Variants in PRLR observed in about 807,000 individuals in gnomAD.
PRLR encodes hPRL receptor.
Under a neutral mutation model 40.2 loss-of-function variants are expected in PRLR, and 13 were observed. That is an observed-to-expected ratio of 0.32 (90% CI 0.21 to 0.51). The LOEUF is 0.51. Ranked by LOEUF, PRLR falls within the 20% of genes least tolerant of loss-of-function variation. PRLR has a pLI of 0.97. For synonymous variants in PRLR, 269 were observed against 278.7 expected (o/e 0.97, Z 0.35); for missense variants, 656 against 747.3 (o/e 0.88, Z 1.42).
intron 2 of PRLR, among the ~76,000 whole-genome samples, chr5:35,115,242 G>A (rs6860397): frequency 0.041 from 6,183 of 152,226 alleles, 185 homozygotes; most frequent in Middle Eastern, 0.068. Flanking sequence ...TATCCCAATC[G>A]TTTCAGTCTC....
intron 5 of PRLR, chr5:35,081,358 G>A: frequency 4.7e-6 from 1 of 212,580 alleles, no homozygotes; most frequent in South Asian, 8.3e-5. Flanking sequence ...TGAGGGCAAG[G>A]TCATCTCTGA....
intron 1 of PRLR, among the ~76,000 whole-genome samples, chr5:35,149,654 A>G (rs1774284722): frequency 6.6e-6 from 1 of 152,182 alleles, no homozygotes; most frequent in South Asian, 2.1e-4. Context: ...CACATCTTAA[A>G]GATACTACAA....
rs575804976 is a variant in PRLR, at chr5:35,078,104, G to A, written c.374-5360C>T. On this transcript the variant is annotated intron_variant, in intron 5 of 9. Coordinates refer to ENST00000618457, the MANE Select transcript of PRLR (RefSeq NM_000949.7). ...CTAAATGCCCACAAGAGAAAGCAGGGAAGATCTAAAATCGACACCCTAACA... is the reference window on the plus strand; with the variant it reads ...CTAAATGCCCACAAGAGAAAGCAGGAAAGATCTAAAATCGACACCCTAACA... 2.2e-4 allele frequency among the ~76,000 whole-genome samples: 34 copies of A among 152,152 alleles called. No homozygotes were observed. The South Asian group carries it at 3.5e-3, about 16-fold the overall frequency.
chr5:35,068,221 A>G lies in PRLR; in HGVS notation c.850T>C (p.Leu284=), dbSNP rs1323509852. ...PKIKGFDAHL[L]EKGKSEELLS... ...TTTTTGCCTCCTGTACTTACCTCCA[A>G]CAGATGAGCATCAAATCCTTTTATT... Residue 284 remains leucine (L), a synonymous_variant, in exon 9 of 10, where the codon TTG becomes CTG. Coordinates refer to ENST00000618457, the MANE Select transcript of PRLR (RefSeq NM_000949.7). 6.2e-7 allele frequency: 1 copy of G among 1,611,572 alleles called. No individual in the cohort carries two copies. The highest frequency in any genetic ancestry group is 2.2e-5 in the East Asian group (1 of 44,864).
At chr5:35,137,010 TAGA>T (rs1773879657) in intron 1 of PRLR, among the ~76,000 whole-genome samples, 1 of 150,622 alleles carries the variant, frequency 6.6e-6, no homozygotes, top group Non-Finnish European at 1.5e-5. Context: ...GGCAGATGAG[TAGA>T]AGGAGACAGA....
chr5:35,229,636 C>G (rs56084970), intron 1 of PRLR, among the ~76,000 whole-genome samples: 7 of 152,230 alleles, frequency 4.6e-5, no homozygotes, highest in Non-Finnish European at 7.4e-5. Flanking sequence ...CTAGGTGCCT[C>G]CGTCCAGCTC....
At chr5:35,201,447 G>A (rs910992571) in intron 1 of PRLR, among the ~76,000 whole-genome samples, 1 of 152,212 alleles carries the variant, frequency 6.6e-6, no homozygotes, top group Non-Finnish European at 1.5e-5. Context: ...CTGTTTGGAT[G>A]TTATGAATAT....
At chr5:35,072,379 C>T (rs775026234) in intron 6 of PRLR, among the ~76,000 whole-genome samples, 196 bp downstream of exon 6, 14 of 151,994 alleles carry the variant, frequency 9.2e-5, no homozygotes, top group Non-Finnish European at 1.6e-4. Flanking sequence ...GAAACTAGCC[C>T]GAGGAGAGCT....
chr5:35,153,449 C>T (rs951636662), intron 1 of PRLR, among the ~76,000 whole-genome samples: 3 of 152,182 alleles, frequency 2.0e-5, no homozygotes, highest in Non-Finnish European at 4.4e-5. Flanking sequence ...TTTAGACCCT[C>T]ATCCTCAAGG....
At chr5:35,184,806 C>T (rs1649502156) in intron 1 of PRLR, among the ~76,000 whole-genome samples, 2 of 152,206 alleles carry the variant, frequency 1.3e-5, no homozygotes, top group Admixed American at 1.3e-4. Context: ...TTTCAAATAA[C>T]ACAAGTATCC....
In PRLR at chr5:35,078,416, C is replaced by G. The variant is rs182902648; in HGVS notation, c.374-5672G>C. The stretch of plus-strand genomic sequence containing the variant: ...AAATAGAAACTACCATCAGAGAATA[C>G]TATAAACACCTCTATGCAAATAAAC... On this transcript the variant is annotated intron_variant, in intron 5 of 9. Coordinates refer to ENST00000618457, the MANE Select transcript of PRLR (RefSeq NM_000949.7). Among the ~76,000 whole-genome samples the G allele has an allele frequency of 1.6e-3, 248 of 152,218 alleles. 3 individuals are homozygous for G. The highest frequency in any genetic ancestry group is 5.8e-3 in the African/African-American group (239 of 41,542).
At chr5:35,096,625 CTT>C (rs563600576) in intron 2 of PRLR, among the ~76,000 whole-genome samples, 5 of 144,918 alleles carry the variant, frequency 3.5e-5, no homozygotes, top group Admixed American at 6.9e-5. Flanking sequence ...TCTTTACTTT[CTT>C]TTTTTTTTTT....
chr5:35,108,378 A>G (rs1772418163), intron 2 of PRLR, among the ~76,000 whole-genome samples: 1 of 152,190 alleles, frequency 6.6e-6, no homozygotes, highest in African/African-American at 2.4e-5. Context: ...GGCCAGGGCA[A>G]TCAGGCAGGA....
chr5:35,158,705 C>G (rs895254384), intron 1 of PRLR, among the ~76,000 whole-genome samples: 2 of 152,178 alleles, frequency 1.3e-5, no homozygotes, highest in East Asian at 3.9e-4. Context: ...AGGACGGTGG[C>G]TTCTTTTTAT....
intron 1 of PRLR, among the ~76,000 whole-genome samples, chr5:35,121,612 A>C (rs1026482344): frequency 2.6e-5 from 4 of 151,978 alleles, no homozygotes; most frequent in African/African-American, 9.7e-5. Context: ...ATAATACACA[A>C]CATTTACTAA....
intron 1 of PRLR, among the ~76,000 whole-genome samples, chr5:35,125,652 A>G (rs1183340087): frequency 6.6e-6 from 1 of 152,204 alleles, no homozygotes; most frequent in Non-Finnish European, 1.5e-5. Context: ...AAAAGAACAC[A>G]CTCTTTTAAT....
chr5:35,113,120 GCCCACCCATTTATCCA>G (rs1277319022), intron 2 of PRLR, among the ~76,000 whole-genome samples: 2 of 61,090 alleles, frequency 3.3e-5, no homozygotes, highest in African/African-American at 6.6e-5. Context: ...CCATCAACCC[GCCCACCCATTTATCCA>G]CCCACCCATT....
chr5:35,110,598 A>G (rs1772598112), intron 2 of PRLR, among the ~76,000 whole-genome samples: 2 of 152,178 alleles, frequency 1.3e-5, no homozygotes, highest in South Asian at 4.1e-4. Context: ...TGCAATCAGC[A>G]TCAGCTTGCA....
Position 35,084,512 on chromosome 5 carries a change from T to C in PRLR, c.331A>G (p.Ser111Gly), listed in dbSNP as rs1160069181. 1 of 1,583,486 alleles carries C rather than the reference T, an allele frequency of 6.3e-7. No individual in the cohort carries two copies. Among genetic ancestry groups the C allele is most frequent in the African/African-American group, 1.4e-5 (1 of 73,074 alleles). Residue 111 changes from serine to glycine, a missense_variant, in exon 5 of 10, where the codon AGC becomes GGC. By Grantham distance (56) the Ser-to-Gly change is moderately conservative. Coordinates refer to ENST00000618457, the MANE Select transcript of PRLR (RefSeq NM_000949.7). ...MMVNATNQMGSSFSDELYVDV... is the reference protein window; with the variant it reads ...MMVNATNQMGGSFSDELYVDV... ...ACATAAAGTTCATCCGAGAAACTGC[T>C]TCCCATCTGGTTAGTGGCATTGACC...
Sources: gnomAD v4.1 joint callset for allele counts (sites outside exome capture counted in the v4.1 genomes callset) on GRCh38, gnomAD v4.1.1 for gene constraint, MANE v1.5 for transcripts, NCBI Gene and HGNC (gene_info 2026-07-23, HGNC 2026-07-21) for gene names.